The following NOX4 variants were observed in gnomAD, a reference collection of about 807,000 sequenced individuals.
NOX4 encodes the protein NADPH oxidase 4, also known as kidney oxidase-1.
Under a neutral mutation model 87.6 loss-of-function variants are expected in NOX4, and 69 were observed. The ratio of observed to expected loss-of-function variants is 0.79; its 90% CI spans 0.65 to 0.96. The LOEUF (loss-of-function observed/expected upper bound fraction) is 0.96. Among genes scored for constraint, NOX4 ranks in the 40% least tolerant of loss-of-function variants. The pLI is 0.00. For synonymous variants in NOX4, 275 were observed against 238.2 expected (o/e 1.15, Z -1.42); for missense variants, 680 against 681.5 (o/e 1.00, Z 0.02).
Position 89,325,047 on chromosome 11 carries a change from G to A in NOX4, c.*1709C>T, listed in dbSNP as rs1945166762. The A allele has an allele frequency of 6.9e-6, 1 of 144,924 alleles. No individual in the cohort carries two copies. The highest frequency in any genetic ancestry group is 6.9e-5 in the Admixed American group (1 of 14,450). 9.0% of individuals were successfully genotyped at this position (144,924 alleles called of 1,614,324 possible). A position where few individuals can be genotyped will look rare whatever the true frequency, so the allele number is the denominator to read the frequency against. On this transcript the variant is annotated 3_prime_UTR_variant, in exon 18 of 18. Transcript: ENST00000263317. ...AAGTCACACTGCTGATTTCAGCAGT[G>A]TTATATTTGATAGCAATTGATAGCC...
chr11:89,412,253 C>G (rs753272138), intron 8 of NOX4, among the ~76,000 whole-genome samples: 1 of 152,108 alleles, frequency 6.6e-6, no homozygotes, highest in Non-Finnish European at 1.5e-5. Flanking sequence ...TAGCATTGGA[C>G]CGATCTTTCA....
intron 7 of NOX4, among the ~76,000 whole-genome samples, chr11:89,428,720 C>G (rs1282455127): frequency 1.3e-5 from 2 of 152,098 alleles, no homozygotes; most frequent in African/African-American, 4.8e-5. Context: ...TAAAGCAAGT[C>G]CTTAGAGACC....
chr11:89,515,665 C>A, the NOX4 span, among the ~76,000 whole-genome samples: 1 of 151,530 alleles, frequency 6.6e-6, no homozygotes, highest in Non-Finnish European at 1.5e-5. Flanking sequence ...CTTTTTTATT[C>A]TAGAAATTCT....
At chr11:89,546,079 G>C in the NOX4 span, among the ~76,000 whole-genome samples, 1 of 152,114 alleles carries the variant, frequency 6.6e-6, no homozygotes. Flanking sequence ...AGTAACATTA[G>C]TTATTAACCT....
chr11:89,385,684 T>C (rs562218098), intron 11 of NOX4, among the ~76,000 whole-genome samples: 2 of 152,256 alleles, frequency 1.3e-5, no homozygotes, highest in South Asian at 4.1e-4. Context: ...TCCTCAGGGA[T>C]TTTTCAGGCC....
intron 15 of NOX4, among the ~76,000 whole-genome samples, chr11:89,337,892 T>C (rs1471299036): frequency 6.6e-6 from 1 of 151,930 alleles, no homozygotes; most frequent in East Asian, 1.9e-4. Context: ...ATGATTTTCT[T>C]GAGAAAAAAA....
At chr11:89,444,096 G>C (rs1156440027) in intron 5 of NOX4, 39 bp downstream of exon 5, 4 of 1,563,506 alleles carry the variant, frequency 2.6e-6, no homozygotes, top group Non-Finnish European at 3.5e-6. Context: ...GTCATCTCAT[G>C]ACAAGTGAAA....
Position 89,335,904 on chromosome 11 carries a change from C to G in NOX4, c.1557G>C (p.Leu519=). Residue 519 remains leucine (L), a synonymous_variant, in exon 17 of 18, where the codon CTG becomes CTC. Transcript: ENST00000263317. Reference sequence around the variant, plus strand: ...GTTTCCACCGAGGACGTCCTATAAACAGTCTTGAATTCAGTGCATGATATT... The same window carrying G: ...GTTTCCACCGAGGACGTCCTATAAAGAGTCTTGAATTCAGTGCATGATATT... The part of the protein sequence containing the change: ...GEKYHALNSR[L]FIGRPRWKLL... 6.2e-7 allele frequency: 1 copy of G among 1,601,696 alleles called. No homozygotes were observed. Among genetic ancestry groups the G allele is most frequent in the African/African-American group, 1.3e-5 (1 of 74,478 alleles).
intron 5 of NOX4, among the ~76,000 whole-genome samples, chr11:89,441,409 G>A (rs1379324804): frequency 1.3e-5 from 2 of 152,114 alleles, no homozygotes; most frequent in Non-Finnish European, 2.9e-5. Flanking sequence ...TCCCCGTGGT[G>A]CTTAATATTT....
Position 89,440,541 on chromosome 11 carries a change from T to A in NOX4, c.475+147A>T, listed in dbSNP as rs1944410422. On this transcript the variant is annotated intron_variant, in intron 6 of 17. Transcript: ENST00000263317. ...GGTTTCATCATGTTGATCAGGCTGG[T>A]TTCGAGTTCCTGACCTCAGGTGATC... The A allele has an allele frequency of 1.6e-5, 7 of 439,584 alleles. No homozygotes were observed. In the East Asian group the frequency reaches 2.7e-4, roughly 17 times the overall value. The allele number at this position is 439,584 out of a possible 1,614,324, so 27.2% of individuals were successfully genotyped here.
At chr11:89,354,821 A>C (rs983134120) in intron 13 of NOX4, 141 bp downstream of exon 13, 1 of 546,114 alleles carries the variant, frequency 1.8e-6, no homozygotes, top group African/African-American at 1.9e-5. Context: ...ATATTGCAGA[A>C]GATGTCTTAG....
chr11:89,356,508 A>T lies in NOX4; in HGVS notation c.1136-1465T>A, dbSNP rs187304960. 2.0e-5 allele frequency among the ~76,000 whole-genome samples: 3 copies of T among 152,238 alleles called. No individual in the cohort carries two copies. In the East Asian group the frequency reaches 5.8e-4, roughly 29 times the overall value. ...TTGCATAGCTATCTGCATGGCATAG[A>T]GTATGCACATTTTCAGGAATAGGTA... On this transcript the variant is annotated intron_variant, in intron 12 of 17. Coordinates refer to ENST00000263317, the MANE Select transcript of NOX4 (RefSeq NM_016931.5).
At chr11:89,484,999 C>T (rs1304221537) in intron 2 of NOX4, among the ~76,000 whole-genome samples, 2 of 152,244 alleles carry the variant, frequency 1.3e-5, no homozygotes, top group Admixed American at 1.3e-4. Context: ...CCCAGGCCAG[C>T]TGTGAAACTA....
intron 2 of NOX4, among the ~76,000 whole-genome samples, chr11:89,461,647 A>AAATAAAT (rs1945470703): frequency 5.5e-5 from 8 of 145,634 alleles, no homozygotes; most frequent in African/African-American, 2.1e-4. Context: ...TCCATCTCAA[A>AAATAAAT]AAATAAATAA....
At chr11:89,448,386 AG>A (rs1463658949) in intron 4 of NOX4, among the ~76,000 whole-genome samples, 1 of 152,176 alleles carries the variant, frequency 6.6e-6, no homozygotes, top group East Asian at 1.9e-4. Flanking sequence ...ATCATCTAAA[AG>A]CTCAGGATCA....
intron 2 of NOX4, among the ~76,000 whole-genome samples, chr11:89,487,792 TTCTA>T (rs1192902140): frequency 6.6e-6 from 1 of 152,180 alleles, no homozygotes. Flanking sequence ...TAAAAATTAA[TTCTA>T]TCTCTTTGTT....
intron 2 of NOX4, among the ~76,000 whole-genome samples, chr11:89,478,053 T>C (rs1946239631): frequency 6.6e-6 from 1 of 152,200 alleles, no homozygotes; most frequent in Non-Finnish European, 1.5e-5. Flanking sequence ...AGATGTTTTC[T>C]GAAATAGATA....
the NOX4 span, among the ~76,000 whole-genome samples, chr11:89,505,440 G>A: frequency 4.6e-5 from 7 of 151,894 alleles, no homozygotes; most frequent in Admixed American, 3.3e-4. Flanking sequence ...AAAAGTAAGC[G>A]TAACTTTAAT....
intron 11 of NOX4, among the ~76,000 whole-genome samples, chr11:89,386,401 C>T (rs1940704189): frequency 6.6e-6 from 1 of 152,160 alleles, no homozygotes; most frequent in South Asian, 2.1e-4. Flanking sequence ...CCTCAAACTG[C>T]CACCCTTAAT....
Sources: gnomAD v4.1 joint callset for allele counts (sites outside exome capture counted in the v4.1 genomes callset) on GRCh38, gnomAD v4.1.1 for gene constraint, MANE v1.5 for transcripts, NCBI Gene and HGNC (gene_info 2026-07-23, HGNC 2026-07-21) for gene names.